The following TOR1AIP1 variants were observed in gnomAD, a reference collection of about 807,000 sequenced individuals.
TOR1AIP1 encodes torsin 1A interacting protein 1.
Under a neutral mutation model 63.3 loss-of-function variants are expected in TOR1AIP1, and 54 were observed. That is an observed-to-expected ratio of 0.85 (90% CI 0.69 to 1.07). TOR1AIP1 has a LOEUF of 1.07. Ranked by LOEUF, TOR1AIP1 falls within the 50% of genes least tolerant of loss-of-function variation. The probability of loss-of-function intolerance (pLI) is 0.00; values close to 1 mark genes in which losing one functional copy is unlikely to be tolerated. For missense variants in TOR1AIP1, 736 were observed against 715.0 expected (o/e 1.03, Z -0.33); for synonymous variants, 294 against 273.5 (o/e 1.07, Z -0.74).
chr1:179,913,279 A>G (rs1648897102), intron 8 of TOR1AIP1, among the ~76,000 whole-genome samples: 2 of 152,192 alleles, frequency 1.3e-5, no homozygotes, highest in South Asian at 4.1e-4. Context: ...TATTTTCTAA[A>G]TAGATTTAGA....
intron 6 of TOR1AIP1, chr1:179,904,809 G>C (rs1648578364): frequency 6.6e-6 from 1 of 152,042 alleles, no homozygotes; most frequent in Non-Finnish European, 1.5e-5. Context: ...ATTTTTTGTA[G>C]AGACAGAGTC....
Position 179,882,958 on chromosome 1 carries a change from G to T in TOR1AIP1, c.456G>T (p.Arg152=). 1 of 1,612,904 alleles carries T rather than the reference G, an allele frequency of 6.2e-7. No individual in the cohort carries two copies. Among genetic ancestry groups the T allele is most frequent in the Non-Finnish European group, 8.5e-7 (1 of 1,179,712 alleles). Residue 152 remains arginine, a synonymous_variant, in exon 1 of 10, where the codon CGG becomes CGT. Transcript: ENST00000606911. ...CTGTTATGACCAGGAGAGGGCTGCGGGACTCTCATTCCTCTGAAGGTGAGG... is the reference window on the plus strand; with the variant it reads ...CTGTTATGACCAGGAGAGGGCTGCGTGACTCTCATTCCTCTGAAGGTGAGG... The part of the protein sequence containing the change: ...PSPVMTRRGL[R]DSHSSEEDEA...
At chr1:179,904,688 C>A (rs613184) in intron 6 of TOR1AIP1, 1 of 151,674 alleles carries the variant, frequency 6.6e-6, no homozygotes, top group Non-Finnish European at 1.5e-5. Context: ...GTAGTGGTGC[C>A]GTCATGGTTC....
intron 3 of TOR1AIP1, among the ~76,000 whole-genome samples, chr1:179,889,768 C>T (rs1327324324): frequency 6.6e-6 from 1 of 152,024 alleles, no homozygotes; most frequent in Non-Finnish European, 1.5e-5. Context: ...AGTCCTCCTG[C>T]CTTAGCCTGC....
Position 179,901,493 on chromosome 1 carries a change from A to G in TOR1AIP1, c.739+105A>G, listed in dbSNP as rs74364704. ...TTTCAAATTTTTATTAATACTTTAT[A>G]AAAAGTCGTGAATTTTTCTTTAAAT... is the stretch of plus-strand genomic sequence containing the variant. On this transcript the variant is annotated intron_variant, in intron 5 of 9. Coordinates refer to ENST00000606911, the MANE Select transcript of TOR1AIP1 (RefSeq NM_015602.4). The G allele has an allele frequency of 6.8e-3, 3,665 of 542,822 alleles. 125 individuals are homozygous for G. Among genetic ancestry groups the G allele is most frequent in the African/African-American group, 0.064 (3,326 of 52,004 alleles). The allele number at this position is 542,822 out of a possible 1,614,324, so 33.6% of individuals were successfully genotyped here.
At chr1:179,905,397 A>G (rs1348265074) in intron 6 of TOR1AIP1, among the ~76,000 whole-genome samples, 1 of 150,826 alleles carries the variant, frequency 6.6e-6, no homozygotes, top group Non-Finnish European at 1.5e-5. Context: ...AAAGAAAAAA[A>G]GAAAAAGCCT....
In TOR1AIP1 at chr1:179,890,426, C is replaced by A. The variant is rs905707695; in HGVS notation, c.610+1057C>A. ...TTATTTCGATAGATAGTTGACTATC[C>A]TTTTAAGTATTCCAGTGGTAAAGAT... On this transcript the variant is annotated intron_variant, in intron 3 of 9. Transcript: ENST00000606911. Among the ~76,000 whole-genome samples, 3 of 152,120 alleles carry A rather than the reference C, an allele frequency of 2.0e-5. No individual in the cohort carries two copies. In the South Asian group the frequency reaches 6.2e-4, roughly 32 times the overall value.
intron 3 of TOR1AIP1, among the ~76,000 whole-genome samples, chr1:179,899,570 T>C (rs1242080981): frequency 1.3e-5 from 2 of 152,222 alleles, no homozygotes; most frequent in Non-Finnish European, 2.9e-5. Flanking sequence ...ATGTAGAATT[T>C]AATGTTTTTT....
intron 3 of TOR1AIP1, among the ~76,000 whole-genome samples, chr1:179,890,622 C>G (rs1253347903): frequency 2.0e-5 from 3 of 151,428 alleles, no homozygotes; most frequent in Non-Finnish European, 4.4e-5. Flanking sequence ...TTTTTCCAGG[C>G]AGGGTCTCAC....
chr1:179,901,992 C>G (rs190677804), intron 5 of TOR1AIP1, among the ~76,000 whole-genome samples: 1 of 151,024 alleles, frequency 6.6e-6, no homozygotes, highest in South Asian at 2.1e-4. Context: ...CCTTCACCAC[C>G]TCCTTAAAAT....
Position 179,917,454 on chromosome 1 carries a change from G to C in TOR1AIP1, c.967G>C (p.Val323Leu). 3 of 1,609,846 alleles carry C rather than the reference G, an allele frequency of 1.9e-6. No homozygotes were observed. Among genetic ancestry groups the C allele is most frequent in the Non-Finnish European group, 2.5e-6 (3 of 1,178,860 alleles). The change falls in exon 10 of 10, where the codon GTG (valine) becomes CTG (leucine). Residue 323 changes from valine to leucine, a missense_variant and splice_region_variant. Val to Leu is a conservative substitution (Grantham distance 32). Transcript: ENST00000606911. ...NQSPSTSSRQ[V>L]TGQPQNASFV... ...TCATTTCTTTTTTGTCTGAGTAGAA[G>C]TGACTGGACAACCCCAAAATGCATC...
In TOR1AIP1 at chr1:179,917,908, A is replaced by G. The variant is rs769854035; in HGVS notation, c.1421A>G (p.Asn474Ser). The G allele has an allele frequency of 1.2e-6, 2 of 1,614,130 alleles. No individual in the cohort carries two copies. Among genetic ancestry groups the G allele is most frequent in the Non-Finnish European group, 1.7e-6 (2 of 1,180,058 alleles). ...AGCAATGGATTTAAGAATGGCCAGAATGCAGCTGTGGTACACCGCTTTGAG... is the reference window on the plus strand; with the variant it reads ...AGCAATGGATTTAAGAATGGCCAGAGTGCAGCTGTGGTACACCGCTTTGAG... ...ELSNGFKNGQ[N>S]AAVVHRFESF... The change falls in exon 10 of 10, where the codon AAT becomes AGT. Residue 474 changes from asparagine to serine, a missense_variant. Asn to Ser is a conservative substitution (Grantham distance 46). Transcript: ENST00000606911.
intron 5 of TOR1AIP1, among the ~76,000 whole-genome samples, chr1:179,901,902 C>T (rs932461801): frequency 1.2e-4 from 18 of 151,488 alleles, no homozygotes; most frequent in African/African-American, 3.4e-4. Flanking sequence ...CAAGACCCTC[C>T]CCCCCAAAAA....
rs185274797 is a variant in TOR1AIP1, at chr1:179,889,938, C to T, written c.610+569C>T. Among the ~76,000 whole-genome samples, 168 of 152,278 alleles carry T rather than the reference C, an allele frequency of 1.1e-3. 1 individual carries two copies. Among genetic ancestry groups the T allele is most frequent in the Admixed American group, 4.5e-3 (69 of 15,290 alleles). On this transcript the variant is annotated intron_variant, in intron 3 of 9. Transcript: ENST00000606911. ...GTGCTGGGATTACAGGCATGAGCCACGGCACCTGGCTTACTTTTCTGCACT... is the reference window on the plus strand; with the variant it reads ...GTGCTGGGATTACAGGCATGAGCCATGGCACCTGGCTTACTTTTCTGCACT...
chr1:179,885,324 A>G (rs1020237367), intron 2 of TOR1AIP1, among the ~76,000 whole-genome samples: 1 of 152,252 alleles, frequency 6.6e-6, no homozygotes, highest in East Asian at 1.9e-4. Flanking sequence ...ATTTGTAGTA[A>G]TATGCCATAA....
chr1:179,896,491 T>G (rs1443340599), intron 3 of TOR1AIP1, among the ~76,000 whole-genome samples: 1 of 144,736 alleles, frequency 6.9e-6, no homozygotes, highest in South Asian at 2.2e-4. Flanking sequence ...TTTTTTTTTT[T>G]CCTACCTCTT....
At chr1:179,906,590 T>A (rs931638348) in intron 6 of TOR1AIP1, among the ~76,000 whole-genome samples, 2 of 152,174 alleles carry the variant, frequency 1.3e-5, no homozygotes, top group African/African-American at 4.8e-5. Context: ...ATAGCTACTT[T>A]GCAATGTCCA....
chr1:179,885,963 A>ACT (rs1647898513), intron 2 of TOR1AIP1, among the ~76,000 whole-genome samples: 1 of 151,768 alleles, frequency 6.6e-6, no homozygotes, highest in South Asian at 2.1e-4. Flanking sequence ...CTGGTCTCGA[A>ACT]CTCCTGACCT....
intron 5 of TOR1AIP1, 24 bp downstream of exon 5, chr1:179,901,412 G>A (rs1202421947): frequency 1.4e-6 from 2 of 1,436,358 alleles, no homozygotes; most frequent in South Asian, 1.4e-5. Context: ...ATATACATAT[G>A]ACTCTTCTCA....
Sources: gnomAD v4.1 joint callset for allele counts (sites outside exome capture counted in the v4.1 genomes callset) on GRCh38, gnomAD v4.1.1 for gene constraint, MANE v1.5 for transcripts, NCBI Gene and HGNC (gene_info 2026-07-23, HGNC 2026-07-21) for gene names.